Variants in GPC6 observed in about 807,000 individuals in gnomAD.
GPC6 encodes the protein glypican-6.
GPC6 carries 14 observed loss-of-function variants against 55.2 expected under a neutral mutation model. The observed-to-expected ratio is 0.25, with a 90% CI of 0.17 to 0.40. The LOEUF (loss-of-function observed/expected upper bound fraction) is 0.40, where lower values mean the gene tolerates loss of function less well. GPC6 is among the 10% of genes least tolerant of loss of function. The pLI, the probability that GPC6 is intolerant of heterozygous loss-of-function variation, is 1.00. For missense variants in GPC6, 641 were observed against 708.5 expected (o/e 0.90, Z 1.08); for synonymous variants, 278 against 259.6 (o/e 1.07, Z -0.68).
intron 1 of GPC6, among the ~76,000 whole-genome samples, chr13:93,506,314 C>A (rs1303302209): frequency 6.6e-6 from 1 of 152,188 alleles, no homozygotes; most frequent in Non-Finnish European, 1.5e-5. Flanking sequence ...CATGCACTTT[C>A]AGCTAGCCAA....
At chr13:93,597,301 A>G (rs923457271) in intron 2 of GPC6, among the ~76,000 whole-genome samples, 1 of 152,224 alleles carries the variant, frequency 6.6e-6, no homozygotes, top group Non-Finnish European at 1.5e-5. Context: ...TTATAGAGAT[A>G]TCAGAGCAGA....
rs74108640 is a variant in GPC6 at position 93,758,516 on chromosome 13, T to C, written c.320-71638T>C. Among the ~76,000 whole-genome samples the C allele has an allele frequency of 6.0e-3, 913 of 152,270 alleles. 11 individuals are homozygous for C. The highest frequency in any genetic ancestry group is 0.021 in the African/African-American group (862 of 41,556). ...CATATCAATCTATAAAATATACATA[T>C]TGTCCTGAGTGTTTTGATAATAATC... On this transcript the variant is annotated intron_variant, in intron 2 of 8. Coordinates refer to ENST00000377047, the MANE Select transcript of GPC6 (RefSeq NM_005708.5).
chr13:93,457,242 A>G (rs1353176560), intron 1 of GPC6, among the ~76,000 whole-genome samples: 3 of 152,160 alleles, frequency 2.0e-5, no homozygotes, highest in Non-Finnish European at 4.4e-5. Flanking sequence ...GTCTGTGTCC[A>G]ACTTTCCCCT....
At chr13:93,410,128 G>T (rs1449333283) in intron 1 of GPC6, among the ~76,000 whole-genome samples, 1 of 152,090 alleles carries the variant, frequency 6.6e-6, no homozygotes, top group East Asian at 1.9e-4. Flanking sequence ...AGTACTATTG[G>T]ATTTAATATC....
At chr13:94,312,714 G>GCA (rs1876311637) in intron 6 of GPC6, among the ~76,000 whole-genome samples, 3 of 127,986 alleles carry the variant, frequency 2.3e-5, no homozygotes, top group Non-Finnish European at 5.3e-5. Flanking sequence ...ACACGCACAC[G>GCA]CGCACGCACA....
chr13:94,108,009 C>T (rs984344604), intron 4 of GPC6, among the ~76,000 whole-genome samples: 1 of 152,072 alleles, frequency 6.6e-6, no homozygotes, highest in African/African-American at 2.4e-5. Flanking sequence ...AGTAGAACTA[C>T]CATTTGATCC....
intron 1 of GPC6, among the ~76,000 whole-genome samples, chr13:93,231,380 C>CATAT (rs1204996148): frequency 7.1e-4 from 22 of 30,896 alleles, no homozygotes; most frequent in South Asian, 1.1e-3. Context: ...TATATATATA[C>CATAT]ATATATATAT....
At position 93,876,018 on chromosome 13, in the gene GPC6, G is replaced by A. The variant is rs537225113; in HGVS notation, c.711+45473G>A. On this transcript the variant is annotated intron_variant, in intron 3 of 8. Transcript: ENST00000377047. ...AGAGGCAAAAGCTGACCAGTAGTTG[G>A]ACCCAGCCAGTGATAAGAGTCAGCA... Among the ~76,000 whole-genome samples the A allele has an allele frequency of 2.6e-5, 4 of 152,148 alleles. No homozygotes were observed. The South Asian group carries it at 8.3e-4, about 32-fold the overall frequency.
chr13:94,055,175 G>C (rs2297784), intron 4 of GPC6, among the ~76,000 whole-genome samples: 1 of 151,976 alleles, frequency 6.6e-6, no homozygotes, highest in Non-Finnish European at 1.5e-5. Flanking sequence ...GGGGCTCAGC[G>C]AAGACCCTGA....
At chr13:94,312,827 T>C (rs1876323957) in intron 6 of GPC6, among the ~76,000 whole-genome samples, 1 of 152,192 alleles carries the variant, frequency 6.6e-6, no homozygotes, top group African/African-American at 2.4e-5. Context: ...CCACTTTAAT[T>C]AGTTTTCTAA....
Position 93,508,618 on chromosome 13 carries a change from C to T in GPC6, c.161-36645C>T, listed in dbSNP as rs185395197. ...CAAAAGGTTTACTCAGGCTACTGTGCTGAGAATATATTGTAGAAAAAGTGT... is the reference window on the plus strand; with the variant it reads ...CAAAAGGTTTACTCAGGCTACTGTGTTGAGAATATATTGTAGAAAAAGTGT... On this transcript the variant is annotated intron_variant, in intron 1 of 8. Transcript: ENST00000377047. Among the ~76,000 whole-genome samples, 350 of 152,302 alleles carry T rather than the reference C, an allele frequency of 2.3e-3. 1 individual carries two copies. The highest frequency in any genetic ancestry group is 4.2e-3 in the Non-Finnish European group (283 of 68,026).
chr13:93,351,208 A>G (rs977011419), intron 1 of GPC6, among the ~76,000 whole-genome samples: 11 of 152,198 alleles, frequency 7.2e-5, no homozygotes, highest in Non-Finnish European at 1.6e-4. Flanking sequence ...CAACAGGTGG[A>G]ATATTAATTT....
chr13:93,876,400 C>T (rs1349873633), intron 3 of GPC6, among the ~76,000 whole-genome samples: 2 of 151,884 alleles, frequency 1.3e-5, no homozygotes, highest in African/African-American at 2.4e-5. Context: ...CAGATAAGAG[C>T]CTACTAAATA....
chr13:93,276,448 C>CT (rs1293629435), intron 1 of GPC6, among the ~76,000 whole-genome samples: 2 of 147,654 alleles, frequency 1.4e-5, no homozygotes, highest in Non-Finnish European at 3.0e-5. Context: ...GGCAGAAGCT[C>CT]TGGCCTTTTC....
intron 3 of GPC6, among the ~76,000 whole-genome samples, chr13:93,926,490 T>C (rs1039409080): frequency 6.6e-6 from 1 of 152,170 alleles, no homozygotes; most frequent in African/African-American, 2.4e-5. Context: ...TATTAATAAT[T>C]TGTATTTTCC....
In GPC6 at chr13:94,406,472, T is replaced by G. The variant is rs922058467; in HGVS notation, c.*3255T>G. On this transcript the variant is annotated 3_prime_UTR_variant, in exon 9 of 9. Coordinates refer to ENST00000377047, the MANE Select transcript of GPC6 (RefSeq NM_005708.5). ...AGAAATCTGTCTCCCTTACAATGACTTACCTAGCTAGCATCAAGTAACTTG... is the reference window on the plus strand; with the variant it reads ...AGAAATCTGTCTCCCTTACAATGACGTACCTAGCTAGCATCAAGTAACTTG... 6.6e-6 allele frequency: 1 copy of G among 152,180 alleles called. No individual in the cohort carries two copies. The highest frequency in any genetic ancestry group is 2.4e-5 in the African/African-American group (1 of 41,472). 9.4% of individuals were successfully genotyped at this position (152,180 alleles called of 1,614,324 possible). A position where few individuals can be genotyped will look rare whatever the true frequency, so the allele number is the denominator to read the frequency against.
At chr13:94,006,784 G>A (rs1882036789) in intron 3 of GPC6, among the ~76,000 whole-genome samples, 1 of 152,108 alleles carries the variant, frequency 6.6e-6, no homozygotes, top group Admixed American at 6.6e-5. Context: ...ATCTCAAGGG[G>A]CATTTTAAGG....
At chr13:93,310,927 G>A (rs777577919) in intron 1 of GPC6, among the ~76,000 whole-genome samples, 4 of 152,160 alleles carry the variant, frequency 2.6e-5, no homozygotes, top group East Asian at 1.9e-4. Context: ...TACAAACTAC[G>A]AAATCCTTTT....
intron 4 of GPC6, among the ~76,000 whole-genome samples, chr13:94,274,664 A>C (rs1353732691): frequency 6.6e-6 from 1 of 152,186 alleles, no homozygotes; most frequent in Non-Finnish European, 1.5e-5. Flanking sequence ...TTCATCACAG[A>C]GATTGTCTTG....
Sources: allele counts gnomAD v4.1 joint callset (sites outside exome capture counted in the v4.1 genomes callset), GRCh38; gene constraint gnomAD v4.1.1; transcripts MANE v1.5; gene names NCBI Gene and HGNC (gene_info 2026-07-23, HGNC 2026-07-21).